Variants in MYO1F observed in about 807,000 individuals in gnomAD.
MYO1F encodes the protein unconventional myosin-If.
MYO1F carries 60 observed loss-of-function variants against 146.6 expected under a neutral mutation model. The ratio of observed to expected loss-of-function variants is 0.41; its 90% CI spans 0.33 to 0.51. MYO1F has a LOEUF of 0.51. Ranked by LOEUF, MYO1F falls within the 20% of genes least tolerant of loss-of-function variation. The probability of loss-of-function intolerance (pLI) is 0.25; values close to 1 mark genes in which losing one functional copy is unlikely to be tolerated. For synonymous variants in MYO1F, 602 were observed against 602.1 expected (o/e 1.00, Z 0.00); for missense variants, 1,274 against 1,534.3 (o/e 0.83, Z 2.83).
Position 8,551,711 on chromosome 19 carries a change from C to T in MYO1F, c.771+29G>A, listed in dbSNP as rs200408762. 852 of 1,613,972 alleles carry T rather than the reference C, an allele frequency of 5.3e-4. 6 individuals are homozygous for T. In the African/African-American group the frequency reaches 0.01, roughly 19 times the overall value. On this transcript the variant is annotated intron_variant, in intron 8 of 27. Transcript: ENST00000644032. The stretch of plus-strand genomic sequence containing the variant: ...TTTCTGGGGCTGAGGTCTGCCTGGC[C>T]GGGGACTGGAGTAGAGGCCGGTGCT...
intron 2 of MYO1F, 96 bp downstream of exon 2, chr19:8,555,563 C>T (rs1973813471): frequency 6.4e-7 from 1 of 1,557,976 alleles, no homozygotes; most frequent in Admixed American, 1.7e-5. Flanking sequence ...CTCTCCCGGC[C>T]CATTCCTCCC....
At chr19:8,574,482 G>A (rs371227251) in intron 1 of MYO1F, among the ~76,000 whole-genome samples, 9 of 151,936 alleles carry the variant, frequency 5.9e-5, no homozygotes, top group African/African-American at 2.2e-4. Context: ...CCATGGAGCG[G>A]GGCATTAGAT....
rs1291413349 is a variant in MYO1F at position 8,530,422 on chromosome 19, T to G, written c.2158+37A>C. On this transcript the variant is annotated intron_variant, in intron 20 of 27. Transcript: ENST00000644032. This position sits in a 1 kb window ranked among gnomAD's most constrained non-coding sequence, Gnocchi z 5.8. ...CTGATACAGCTCCTCCAGGTCCTTG[T>G]GCCCCCACCCCGCGCCGTTTACCCG... 6.2e-7 allele frequency: 1 copy of G among 1,613,654 alleles called. No individual in the cohort carries two copies. The highest frequency in any genetic ancestry group is 8.5e-7 in the Non-Finnish European group (1 of 1,179,970).
At position 8,522,708 on chromosome 19, in the gene MYO1F, G is replaced by C. The variant is rs1470651579; in HGVS notation, c.2976C>G (p.Ser992Arg). ...RGPPSTSLGASRRPRARPPSE... is the reference protein window; with the variant it reads ...RGPPSTSLGARRRPRARPPSE... ...AGGGCGGACGTGCCCGGGGTCGTCTGCTGGCTCCCAGGGATGTGGACGGAG... is the reference window on the plus strand; with the variant it reads ...AGGGCGGACGTGCCCGGGGTCGTCTCCTGGCTCCCAGGGATGTGGACGGAG... Residue 992 changes from serine to arginine, a missense_variant, in exon 26 of 28, where the codon AGC becomes AGG. By Grantham distance (110) the Ser-to-Arg change is moderately radical. Coordinates refer to ENST00000644032, the MANE Select transcript of MYO1F (RefSeq NM_012335.4). 4 of 1,613,716 alleles carry C rather than the reference G, an allele frequency of 2.5e-6. No homozygotes were observed. Among genetic ancestry groups the C allele is most frequent in the Middle Eastern group, 1.7e-4 (1 of 6,054 alleles).
intron 16 of MYO1F, among the ~76,000 whole-genome samples, chr19:8,537,576 G>A (rs1032896866): frequency 1.9e-4 from 29 of 152,140 alleles, no homozygotes; most frequent in African/African-American, 7.0e-4. Context: ...CAAGTAGCTG[G>A]GATTACAGGC....
In MYO1F at chr19:8,522,409, T is replaced by G. The variant is rs199953551; in HGVS notation, c.3188A>C (p.Asn1063Thr). 117 of 1,614,188 alleles carry G rather than the reference T, an allele frequency of 7.2e-5. No individual in the cohort carries two copies. The African/African-American group carries it at 1.5e-3, about 20-fold the overall frequency. Residue 1063 changes from asparagine to threonine, a missense_variant, in exon 27 of 28, where the codon AAC (asparagine) becomes ACC (threonine). Around this residue, in one of 2 missense-constraint regions of MYO1F, gnomAD observed 374 missense variants for 379.2 expected, o/e 0.99. Transcript: ENST00000644032. ...GAGGATCTCAATGACCTCGTTCACG[T>G]TGAAGCTCAGCTCGTCCACATCTTG... ...VGQDVDELSF[N>T]VNEVIEILME...
At chr19:8,543,701 GGTGGT>G (rs1460952315) in intron 14 of MYO1F, among the ~76,000 whole-genome samples, 36 of 22,062 alleles carry the variant, frequency 1.6e-3, no homozygotes, top group Non-Finnish European at 2.6e-3. Flanking sequence ...TGGTGGTGGT[GGTGGT>G]GCTGGTGGTG....
chr19:8,574,256 A>G (rs1760925779), intron 1 of MYO1F, among the ~76,000 whole-genome samples: 1 of 152,116 alleles, frequency 6.6e-6, no homozygotes, highest in African/African-American at 2.4e-5. Flanking sequence ...AACCAATGAC[A>G]CCAACAACCC....
At chr19:8,557,952 C>T (rs960653449) in intron 1 of MYO1F, among the ~76,000 whole-genome samples, 1 of 152,108 alleles carries the variant, frequency 6.6e-6, no homozygotes, top group African/African-American at 2.4e-5. Flanking sequence ...TCCCTTTGAG[C>T]TCCTCCAGGC....
At position 8,526,507 on chromosome 19, in the gene MYO1F, C is replaced by T; in HGVS notation, c.2716G>A (p.Val906Ile). ...RGFGDLAVLK[V>I]GGRTLTVSVG... is the part of the protein sequence containing the mutation. The stretch of plus-strand genomic sequence containing the variant: ...CTGACCGTGAGGGTCCGACCGCCAA[C>T]CTTGAGCACTGCCAAGTCGCCGAAG... Residue 906 changes from valine (V) to isoleucine (I), a missense_variant, in exon 24 of 28, where the codon GTT (valine) becomes ATT (isoleucine). Coordinates refer to ENST00000644032, the MANE Select transcript of MYO1F (RefSeq NM_012335.4). 6.3e-7 allele frequency: 1 copy of T among 1,580,958 alleles called. No individual in the cohort carries two copies. Among genetic ancestry groups the T allele is most frequent in the Non-Finnish European group, 8.6e-7 (1 of 1,164,790 alleles).
intron 1 of MYO1F, among the ~76,000 whole-genome samples, chr19:8,560,163 T>A (rs1354714832): frequency 6.6e-6 from 1 of 150,748 alleles, no homozygotes; most frequent in Non-Finnish European, 1.5e-5. Flanking sequence ...GGGTGTGGGG[T>A]TTGAACCTGG....
At chr19:8,545,098 T>C (rs556000328) in intron 13 of MYO1F, among the ~76,000 whole-genome samples, 1 of 149,712 alleles carries the variant, frequency 6.7e-6, no homozygotes, top group East Asian at 2.0e-4. Context: ...TTAAATTTAA[T>C]TTTTTTTGAG....
At chr19:8,567,058 A>ATTT (rs768377216) in intron 1 of MYO1F, among the ~76,000 whole-genome samples, 8 of 127,682 alleles carry the variant, frequency 6.3e-5, no homozygotes, top group South Asian at 2.4e-4. Flanking sequence ...ACTGGGTCCA[A>ATTT]TTTTTTTTTT....
At position 8,551,799 on chromosome 19, in the gene MYO1F, G is replaced by A; in HGVS notation, c.712C>T (p.Gln238Ter). Reference protein sequence around the residue: ...MTPDYYYYLNQSDTYQVDGTD... With the variant: ...MTPDYYYYLN Reference sequence around the variant, plus strand: ...CCGTCCACCTGGTAGGTGTCCGATTGGTTGAGGTAGTAATAGTAGTCCGGT... The same window carrying A: ...CCGTCCACCTGGTAGGTGTCCGATTAGTTGAGGTAGTAATAGTAGTCCGGT... The change falls in exon 8 of 28, where the codon CAA becomes TAA. Residue 238 changes from glutamine (Q) to a stop codon, truncating the protein, a stop_gained. Transcript: ENST00000644032. LOFTEE classifies it high-confidence loss of function. 6.2e-7 allele frequency: 1 copy of A among 1,614,162 alleles called. No individual in the cohort carries two copies. The highest frequency in any genetic ancestry group is 8.5e-7 in the Non-Finnish European group (1 of 1,180,028).
Position 8,553,868 on chromosome 19 carries a change from T to TCACACACA in MYO1F, c.327-439_327-432dup, listed in dbSNP as rs374157870. 8.9e-3 allele frequency among the ~76,000 whole-genome samples: 1,081 copies of TCACACACA among 121,534 alleles called. 11 individuals are homozygous for TCACACACA. The highest frequency in any genetic ancestry group is 0.014 in the African/African-American group (406 of 29,194). 79.7% of individuals were successfully genotyped at this position (121,534 alleles called of 152,430 possible). A position where few individuals can be genotyped will look rare whatever the true frequency, so the allele number is the denominator to read the frequency against. On this transcript the variant is annotated intron_variant, in intron 4 of 27. Coordinates refer to ENST00000644032, the MANE Select transcript of MYO1F (RefSeq NM_012335.4). ...GCCTGGGTGACAGACTGAGACTCTG[T>TCACACACA]CACACACACACACACACACACACAC...
At chr19:8,529,941 C>A (rs142817836) in intron 21 of MYO1F, 1 of 613,444 alleles carries the variant, frequency 1.6e-6, no homozygotes, top group Non-Finnish European at 2.9e-6. Context: ...ACAGATGGAT[C>A]TAGGCTGGGG....
rs1568334915 is a variant in MYO1F at position 8,530,288 on chromosome 19, G to A, written c.2236C>T (p.Leu746=). 1.2e-6 allele frequency: 2 copies of A among 1,614,132 alleles called. No homozygotes were observed. Among genetic ancestry groups the A allele is most frequent in the Non-Finnish European group, 1.7e-6 (2 of 1,180,028 alleles). ...TGACGCAGCTCGGGCCGCTCCTCCA[G>A]CCCCAGGTAGTCCCCGACGAAGTTC... The part of the protein sequence containing the change: ...NRNFVGDYLG[L]EERPELRQFL... The change falls in exon 21 of 28, where the codon CTG becomes TTG. Residue 746 remains leucine (L), a synonymous_variant. Transcript: ENST00000644032. The surrounding 1 kb of genome is among the most constrained non-coding windows in gnomAD (Gnocchi z 5.8).
At position 8,548,023 on chromosome 19, in the gene MYO1F, C is replaced by G. The variant is rs1217430440; in HGVS notation, c.1269+13G>C. On this transcript the variant is annotated intron_variant, in intron 12 of 27. Transcript: ENST00000644032. The stretch of plus-strand genomic sequence containing the variant: ...CCCCAGGATCCCCCATCCCTGACTG[C>G]TTGGCCGCCCACCTGCTCGGCCTTC... 1 of 1,592,544 alleles carries G rather than the reference C, an allele frequency of 6.3e-7. No individual in the cohort carries two copies. Among genetic ancestry groups the G allele is most frequent in the African/African-American group, 1.3e-5 (1 of 74,120 alleles).
chr19:8,537,974 AT>A (rs902907010), intron 16 of MYO1F, among the ~76,000 whole-genome samples: 2 of 150,922 alleles, frequency 1.3e-5, no homozygotes, highest in African/African-American at 4.9e-5. Context: ...TTTTATTTTT[AT>A]TTTTATTTTT....
Sources: allele counts gnomAD v4.1 joint callset (sites outside exome capture counted in the v4.1 genomes callset), GRCh38; gene constraint gnomAD v4.1.1; regional missense constraint gnomAD v4.1.1; non-coding constraint Gnocchi (gnomAD v3.1); transcripts MANE v1.5; gene names NCBI Gene and HGNC (gene_info 2026-07-23, HGNC 2026-07-21).